The following CDKL5 variants were observed in gnomAD, a reference collection of about 807,000 sequenced individuals.
CDKL5 encodes the protein cyclin-dependent kinase-like 5.
In CDKL5, 8 loss-of-function variants were observed where a neutral mutation model predicts 61.7. That is an observed-to-expected ratio of 0.13 (90% CI 0.08 to 0.23). The LOEUF (loss-of-function observed/expected upper bound fraction) is 0.23. Ranked by LOEUF, CDKL5 falls within the 10% of genes least tolerant of loss-of-function variation. The pLI is 1.00. For synonymous variants in CDKL5, 275 were observed against 272.3 expected (o/e 1.01, Z -0.10); for missense variants, 440 against 734.5 (o/e 0.60, Z 4.63).
At position 18,578,827 on chromosome X, in the gene CDKL5, T is replaced by C. The variant is rs557863711; in HGVS notation, c.283-1021T>C. On this transcript the variant is annotated intron_variant, in intron 5 of 17. Transcript: ENST00000623535. ...AGACATGTACTCAAGAATTGAAATT[T>C]AGTCAAAGTAATATTTTGTACTGCT... 8.9e-5 allele frequency among the ~76,000 whole-genome samples: 10 copies of C among 112,171 alleles called. No homozygotes were observed. In the South Asian group the frequency reaches 3.4e-3, roughly 38 times the overall value.
intron 7 of CDKL5, 83 bp downstream of exon 7, chrX:18,582,033 A>G: frequency 2.8e-6 from 2 of 712,833 alleles, no homozygotes; most frequent in South Asian, 4.6e-5. Flanking sequence ...GAATATTAAA[A>G]GTAATTGTTA....
At chrX:18,616,624 TA>T (rs771312871) in intron 15 of CDKL5, among the ~76,000 whole-genome samples, 973 of 92,278 alleles carry the variant, frequency 0.011, 7 homozygotes, top group African/African-American at 0.027. Flanking sequence ...AAACTCCGTC[TA>T]AAAAAAAAAA....
Position 18,518,385 on chromosome X carries a change from C to CTTTTT in CDKL5, c.99+7533_99+7534insTTTTT, listed in dbSNP as rs1195931109. Among the ~76,000 whole-genome samples the CTTTTT allele has an allele frequency of 7.4e-3, 168 of 22,773 alleles. 10 individuals carry two copies. The highest frequency in any genetic ancestry group is 0.02 in the African/African-American group (130 of 6,583). The allele number at this position is 22,773 out of a possible 115,157, so 19.8% of individuals were successfully genotyped here. ...ATAAAGTCATGTTTTCTTTTCTTTT[C>CTTTTT]TTATTTTTTTTTTTTTTTTTTTTTT... On this transcript the variant is annotated intron_variant, in intron 3 of 17. Coordinates refer to ENST00000623535, the MANE Select transcript of CDKL5 (RefSeq NM_001323289.2).
intron 14 of CDKL5, among the ~76,000 whole-genome samples, chrX:18,611,443 A>AC (rs1300366420): frequency 1.8e-5 from 2 of 109,293 alleles, no homozygotes; most frequent in East Asian, 5.7e-4. Context: ...TCAAAACAAA[A>AC]AAAAAAAAAA....
In CDKL5 at chrX:18,628,908, G is replaced by T; in HGVS notation, c.*151G>T. 1.9e-6 allele frequency: 2 copies of T among 1,061,507 alleles called. No homozygotes were observed. Among genetic ancestry groups the T allele is most frequent in the Non-Finnish European group, 2.4e-6 (2 of 829,009 alleles). The allele number at this position is 1,061,507 out of a possible 1,213,427, so 87.5% of individuals were successfully genotyped here. ...GTGCAATATTGCATGTGTTGGGGCC[G>T]TTGAGCTCCTCGCGGCCACAAATGC... On this transcript the variant is annotated 3_prime_UTR_variant, in exon 18 of 18. Transcript: ENST00000623535.
At chrX:18,484,293 A>G (rs1469689248) in intron 1 of CDKL5, among the ~76,000 whole-genome samples, 1 of 111,478 alleles carries the variant, frequency 9.0e-6, no homozygotes, top group Non-Finnish European at 1.9e-5. Flanking sequence ...TCTGTTAGAT[A>G]CTGTTATAAA....
At chrX:18,471,771 ACT>A (rs1344082801) in intron 1 of CDKL5, among the ~76,000 whole-genome samples, 1 of 108,165 alleles carries the variant, frequency 9.2e-6, no homozygotes, top group African/African-American at 3.4e-5. Flanking sequence ...GCGGAGTCTC[ACT>A]CTGCCACCCA....
At chrX:18,579,771 G>A (rs1380838919) in intron 5 of CDKL5, 77 bp from the exon 6 acceptor site, 1 of 981,998 alleles carries the variant, frequency 1.0e-6, no homozygotes, top group Non-Finnish European at 1.4e-6. Flanking sequence ...AATTATTCTA[G>A]ATGCTTTGTA....
intron 1 of CDKL5, chrX:18,426,176 G>T (rs1046148659): frequency 8.9e-6 from 1 of 112,635 alleles, no homozygotes; most frequent in Non-Finnish European, 1.9e-5. Context: ...GCCGTCAGTC[G>T]CGGCCCGGGC....
chrX:18,634,289 T>C lies in CDKL5; in HGVS notation c.*5532T>C. Reference sequence around the variant, plus strand: ...CTTCCTTTGGTTGGGGATTTTACTTTCCCAAAAGTCTGATCTGATTTCTTT... The same window carrying C: ...CTTCCTTTGGTTGGGGATTTTACTTCCCCAAAAGTCTGATCTGATTTCTTT... On this transcript the variant is annotated 3_prime_UTR_variant, in exon 18 of 18. Coordinates refer to ENST00000623535, the MANE Select transcript of CDKL5 (RefSeq NM_001323289.2). 1 of 754,003 alleles carries C rather than the reference T, an allele frequency of 1.3e-6. No individual in the cohort carries two copies. The highest frequency in any genetic ancestry group is 1.6e-6 in the Non-Finnish European group (1 of 639,211). The allele number at this position is 754,003 out of a possible 1,213,427, so 62.1% of individuals were successfully genotyped here. A position where few individuals can be genotyped will look rare whatever the true frequency, so the allele number is the denominator to read the frequency against.
Position 18,632,524 on chromosome X carries a change from T to C in CDKL5, c.*3767T>C. 1 of 754,340 alleles carries C rather than the reference T, an allele frequency of 1.3e-6. No individual in the cohort carries two copies. Among genetic ancestry groups the C allele is most frequent in the Non-Finnish European group, 1.6e-6 (1 of 639,119 alleles). The allele number at this position is 754,340 out of a possible 1,213,427, so 62.2% of individuals were successfully genotyped here. On this transcript the variant is annotated 3_prime_UTR_variant, in exon 18 of 18. Transcript: ENST00000623535. The stretch of plus-strand genomic sequence containing the variant: ...GTCATTTAATAGCTCTTTACAAATA[T>C]TAGCATATGGCAGACCAATTAGAAG...
chrX:18,576,827 T>C (rs1925314281), intron 5 of CDKL5, among the ~76,000 whole-genome samples: 1 of 108,223 alleles, frequency 9.2e-6, no homozygotes, highest in African/African-American at 3.4e-5. Context: ...TTTTTTAAAG[T>C]TCTATTAAAA....
chrX:18,556,141 G>A (rs907860306), intron 3 of CDKL5, among the ~76,000 whole-genome samples: 6 of 111,796 alleles, frequency 5.4e-5, no homozygotes, highest in South Asian at 3.7e-4. Flanking sequence ...TACTTATAAT[G>A]TAAAAATAAA....
At chrX:18,520,043 A>G (rs1170133550) in intron 3 of CDKL5, among the ~76,000 whole-genome samples, 1 of 111,826 alleles carries the variant, frequency 8.9e-6, no homozygotes, top group Non-Finnish European at 1.9e-5. Flanking sequence ...TAGATGGTTG[A>G]GCCGGGAATT....
intron 1 of CDKL5, among the ~76,000 whole-genome samples, chrX:18,431,322 G>A (rs746700760): frequency 1.9e-4 from 21 of 112,007 alleles, no homozygotes; most frequent in Non-Finnish European, 3.4e-4. Context: ...AGAAAGTGCT[G>A]ATGAATACTG....
intron 1 of CDKL5, among the ~76,000 whole-genome samples, chrX:18,483,325 A>G (rs1239387606): frequency 1.8e-5 from 2 of 111,695 alleles, no homozygotes; most frequent in African/African-American, 6.5e-5. Context: ...GTGAGGGATG[A>G]CACCCAGATG....
At chrX:18,518,080 G>A (rs1923087530) in intron 3 of CDKL5, among the ~76,000 whole-genome samples, 2 of 111,232 alleles carry the variant, frequency 1.8e-5, no homozygotes, top group Admixed American at 1.9e-4. Flanking sequence ...TGTGTAATTA[G>A]AAGCTGTAGT....
chrX:18,529,335 G>A (rs1198384242), intron 3 of CDKL5, among the ~76,000 whole-genome samples: 15 of 108,418 alleles, frequency 1.4e-4, no homozygotes, highest in African/African-American at 3.7e-4. Context: ...CCCTTATAAC[G>A]TTACTATTAT....
At chrX:18,603,065 C>T (rs1169208877) in intron 11 of CDKL5, among the ~76,000 whole-genome samples, 3 of 111,639 alleles carry the variant, frequency 2.7e-5, no homozygotes, top group Non-Finnish European at 3.8e-5. Flanking sequence ...TATTTTAAAC[C>T]AAGTGTGAAA....
Sources: gnomAD v4.1 joint callset for allele counts (sites outside exome capture counted in the v4.1 genomes callset) on GRCh38, gnomAD v4.1.1 for gene constraint, MANE v1.5 for transcripts, NCBI Gene and HGNC (gene_info 2026-07-23, HGNC 2026-07-21) for gene names.